The following SEC22A variants were observed in gnomAD, a reference collection of about 807,000 sequenced individuals.
SEC22A encodes the protein SEC22 homolog A, vesicle trafficking protein.
A neutral mutation model predicts 35.3 loss-of-function variants in SEC22A; 22 were observed. That is an observed-to-expected ratio of 0.62 (90% confidence interval 0.45 to 0.89). The LOEUF (loss-of-function observed/expected upper bound fraction) is 0.89. Ranked by LOEUF, SEC22A falls within the 40% of genes least tolerant of loss-of-function variation. The pLI is 0.00. For missense variants in SEC22A, 354 were observed against 362.5 expected, an observed-to-expected ratio of 0.98 and a Z score of 0.19; for synonymous variants, 119 against 129.5, an observed-to-expected ratio of 0.92 and a Z score of 0.55.
rs371599738 is a variant in SEC22A at position 123,267,087 on chromosome 3, A to G, written c.724-4435A>G. Among the ~76,000 whole-genome samples the G allele has an allele frequency of 8.6e-5, 13 of 151,642 alleles. No homozygotes were observed. In the East Asian group the frequency reaches 2.5e-3, roughly 29 times the overall value. Reference sequence around the variant, plus strand: ...ATATAGCCACTTTTGCTTTCTTTTGATTACTGTTTATGTGATAAATCCTTT... The same window carrying G: ...ATATAGCCACTTTTGCTTTCTTTTGGTTACTGTTTATGTGATAAATCCTTT... On this transcript the variant is annotated intron_variant, in intron 6 of 6. Coordinates refer to ENST00000492595, the MANE Select transcript of SEC22A (RefSeq NM_012430.5).
In SEC22A at chr3:123,225,184, C is replaced by T. The variant is rs773023736; in HGVS notation, c.428C>T (p.Thr143Met). 1.3e-4 allele frequency: 210 copies of T among 1,613,338 alleles called. No homozygotes were observed. In the East Asian group the frequency reaches 3.5e-3, roughly 27 times the overall value. ...AAGATAAATCTTTCTGACATGCAGA[C>T]GGAAATCAAGCTGAGGCCTCCTTAT... ...STKINLSDMQ[T>M]EIKLRPPYQI... The change falls in exon 4 of 7, where the codon ACG becomes ATG. Residue 143 changes from threonine (T) to methionine (M), a missense_variant. Coordinates refer to ENST00000492595, the MANE Select transcript of SEC22A (RefSeq NM_012430.5).
At chr3:123,267,183 A>G (rs1414391701) in intron 6 of SEC22A, among the ~76,000 whole-genome samples, 2 of 151,796 alleles carry the variant, frequency 1.3e-5, no homozygotes, top group Admixed American at 1.3e-4. Context: ...GGGTTGATTC[A>G]TGTTTTTTAA....
chr3:123,243,006 A>T (rs1937538191), intron 4 of SEC22A, among the ~76,000 whole-genome samples: 1 of 151,988 alleles, frequency 6.6e-6, no homozygotes, highest in Non-Finnish European at 1.5e-5. Context: ...CCATTGTCTA[A>T]TTTTCCATAA....
At chr3:123,250,388 C>T (rs1163882573) in intron 5 of SEC22A, among the ~76,000 whole-genome samples, 5 of 150,832 alleles carry the variant, frequency 3.3e-5, no homozygotes, top group East Asian at 1.9e-4. Flanking sequence ...CTCAGCCTGG[C>T]GACAAAGTGA....
At chr3:123,223,453 A>T (rs1937165117) in intron 2 of SEC22A, 106 bp from the exon 3 acceptor site, 3 of 814,200 alleles carry the variant, frequency 3.7e-6, no homozygotes, top group Non-Finnish European at 5.8e-6. Context: ...TAAGATCTTC[A>T]TTGCCACCGT....
chr3:123,248,033 G>C (rs1274453419), intron 5 of SEC22A, among the ~76,000 whole-genome samples: 1 of 152,020 alleles, frequency 6.6e-6, no homozygotes, highest in Non-Finnish European at 1.5e-5. Context: ...AACTTGGAGC[G>C]AACTAGGAAT....
At chr3:123,256,722 T>C (rs1937739552) in intron 5 of SEC22A, among the ~76,000 whole-genome samples, 1 of 151,988 alleles carries the variant, frequency 6.6e-6, no homozygotes, top group South Asian at 2.1e-4. Context: ...AGTGACCTCC[T>C]TAAGTTGGTG....
intron 2 of SEC22A, among the ~76,000 whole-genome samples, chr3:123,217,960 T>G (rs1321537137): frequency 6.6e-6 from 1 of 152,206 alleles, no homozygotes; most frequent in Non-Finnish European, 1.5e-5. Flanking sequence ...TTTAGTTTGG[T>G]GCAACAGGCC....
intron 2 of SEC22A, among the ~76,000 whole-genome samples, chr3:123,211,270 G>A (rs1265388785): frequency 6.6e-6 from 1 of 152,118 alleles, no homozygotes; most frequent in East Asian, 1.9e-4. Flanking sequence ...GGATCACTTT[G>A]AAGTTGGATC....
chr3:123,250,419 A>AG (rs1024152146), intron 5 of SEC22A, among the ~76,000 whole-genome samples: 6 of 152,058 alleles, frequency 3.9e-5, no homozygotes, highest in Admixed American at 3.3e-4. Context: ...CAAAAAAAAA[A>AG]TAAAAAAATA....
intron 2 of SEC22A, among the ~76,000 whole-genome samples, chr3:123,219,341 T>C (rs1937084483): frequency 6.6e-6 from 1 of 152,146 alleles, no homozygotes; most frequent in African/African-American, 2.4e-5. Flanking sequence ...TACTCTTAAT[T>C]TCGGGAATAA....
chr3:123,269,584 A>G (rs2108113127), intron 6 of SEC22A, among the ~76,000 whole-genome samples: 1 of 151,958 alleles, frequency 6.6e-6, no homozygotes, highest in East Asian at 1.9e-4. Context: ...CATTCCTACA[A>G]CATAACTGAT....
chr3:123,250,165 A>G (rs1178638332), intron 5 of SEC22A, among the ~76,000 whole-genome samples: 3 of 152,158 alleles, frequency 2.0e-5, no homozygotes, highest in Non-Finnish European at 4.4e-5. Context: ...TAATCCCAGT[A>G]CTTTGGGAGG....
intron 6 of SEC22A, among the ~76,000 whole-genome samples, chr3:123,267,947 A>G (rs1342296462): frequency 6.6e-6 from 1 of 152,076 alleles, no homozygotes; most frequent in Non-Finnish European, 1.5e-5. Flanking sequence ...TACCGATGAG[A>G]AATGAATTAT....
At chr3:123,251,079 T>C (rs1191568717) in intron 5 of SEC22A, among the ~76,000 whole-genome samples, 2 of 152,230 alleles carry the variant, frequency 1.3e-5, no homozygotes, top group Non-Finnish European at 2.9e-5. Flanking sequence ...AACAAACATT[T>C]CAAGAAAGTA....
At chr3:123,243,290 T>A (rs909208626) in intron 4 of SEC22A, among the ~76,000 whole-genome samples, 1 of 152,166 alleles carries the variant, frequency 6.6e-6, no homozygotes, top group Non-Finnish European at 1.5e-5. Context: ...AGGATAATTA[T>A]AGTGCCTACT....
intron 4 of SEC22A, among the ~76,000 whole-genome samples, chr3:123,231,258 GC>G (rs1937320146): frequency 6.6e-6 from 1 of 152,112 alleles, no homozygotes; most frequent in African/African-American, 2.4e-5. Context: ...GAACAATTAG[GC>G]AGAAGATAAG....
chr3:123,271,838 T>C lies in SEC22A; in HGVS notation c.*116T>C. On this transcript the variant is annotated 3_prime_UTR_variant, in exon 7 of 7. Coordinates refer to ENST00000492595, the MANE Select transcript of SEC22A (RefSeq NM_012430.5). ...GAGGAGAAGCTCTGCTTTCTTTCTC[T>C]CCAACTTTCCTTTTTTAAAATCAGC... The C allele has an allele frequency of 1.2e-6, 1 of 848,158 alleles. No individual in the cohort carries two copies. Among genetic ancestry groups the C allele is most frequent in the Non-Finnish European group, 1.8e-6 (1 of 552,592 alleles). 52.5% of individuals were successfully genotyped at this position (848,158 alleles called of 1,614,324 possible).
rs972097180 is a variant in SEC22A, at chr3:123,273,643, A to G, written c.*1921A>G. On this transcript the variant is annotated 3_prime_UTR_variant, in exon 7 of 7. Coordinates refer to ENST00000492595, the MANE Select transcript of SEC22A (RefSeq NM_012430.5). ...GCCAACGTGGTGAAACCTCATCTCT[A>G]CTAAAAATACAAAATTTAGCTGGGT... 2 of 152,138 alleles carry G rather than the reference A, an allele frequency of 1.3e-5. No individual in the cohort carries two copies. Among genetic ancestry groups the G allele is most frequent in the African/African-American group, 4.8e-5 (2 of 41,420 alleles). The allele number at this position is 152,138 out of a possible 1,614,324, so 9.4% of individuals were successfully genotyped here.
Sources: gnomAD v4.1 joint callset for allele counts (sites outside exome capture counted in the v4.1 genomes callset) on GRCh38, gnomAD v4.1.1 for gene constraint, MANE v1.5 for transcripts, NCBI Gene and HGNC (gene_info 2026-07-23, HGNC 2026-07-21) for gene names.